The following UBR3 variants were observed in gnomAD, a reference collection of about 807,000 sequenced individuals.
UBR3 encodes the protein E3 ubiquitin-protein ligase UBR3.
Under a neutral mutation model 243.2 loss-of-function variants are expected in UBR3, and 85 were observed. The observed-to-expected ratio is 0.35, with a 90% CI of 0.29 to 0.42. The LOEUF (loss-of-function observed/expected upper bound fraction) is 0.42. UBR3 is among the 10% of genes least tolerant of loss of function. UBR3 has a pLI of 1.00. For missense variants in UBR3, 1,686 were observed against 2,300.8 expected, an observed-to-expected ratio of 0.73 and a Z score of 5.47; for synonymous variants, 748 against 799.8, an observed-to-expected ratio of 0.94 and a Z score of 1.09.
rs182340762 is a variant in UBR3, at chr2:170,031,444, C to A, written c.4556+1996C>A. ...ACAGTTAAACACGCCTTCCTCTACT[C>A]CCTAGTTAAAAAGCATTCATCCATG... On this transcript the variant is annotated intron_variant, in intron 31 of 38. Transcript: ENST00000272793. 5.3e-3 allele frequency among the ~76,000 whole-genome samples: 804 copies of A among 152,130 alleles called. 21 individuals are homozygous for A. The highest frequency in any genetic ancestry group is 0.047 in the Admixed American group (723 of 15,252).
chr2:169,905,994 A>G, intron 9 of UBR3, 37 bp from the exon 10 acceptor site: 3 of 1,540,996 alleles, frequency 1.9e-6, no homozygotes, highest in South Asian at 1.2e-5. Flanking sequence ...GTGTGCTTCC[A>G]CTTGACAAGG....
chr2:170,069,784 A>G (rs2091657504), intron 35 of UBR3, among the ~76,000 whole-genome samples: 2 of 151,960 alleles, frequency 1.3e-5, no homozygotes, highest in African/African-American at 4.8e-5. Context: ...TCATGTGTAT[A>G]CAGTCATCCA....
intron 8 of UBR3, among the ~76,000 whole-genome samples, chr2:169,904,103 G>A: frequency 6.6e-6 from 1 of 152,028 alleles, no homozygotes; most frequent in Non-Finnish European, 1.5e-5. Context: ...AGGCTTTTAT[G>A]ATTTTTCTGT....
chr2:170,075,820 T>G (rs553694714), intron 36 of UBR3, among the ~76,000 whole-genome samples: 99 of 152,248 alleles, frequency 6.5e-4, no homozygotes, highest in African/African-American at 2.2e-3. Context: ...GAATTACTAC[T>G]TCTGAATTTT....
At chr2:169,895,116 ATTAG>A (rs2084531962) in intron 6 of UBR3, 61 bp from the exon 7 acceptor site, 2 of 1,413,406 alleles carry the variant, frequency 1.4e-6, no homozygotes, top group Admixed American at 6.3e-5. Context: ...TTTATGGGTT[ATTAG>A]TTATAAAATG....
intron 8 of UBR3, among the ~76,000 whole-genome samples, chr2:169,902,938 T>G (rs1574161500): frequency 6.6e-6 from 1 of 152,162 alleles, no homozygotes; most frequent in East Asian, 1.9e-4. Context: ...TAGTCTCGCT[T>G]TATTTGTTCT....
chr2:170,028,113 T>G (rs1275338081), intron 30 of UBR3, among the ~76,000 whole-genome samples: 4 of 151,958 alleles, frequency 2.6e-5, no homozygotes, highest in African/African-American at 9.7e-5. Flanking sequence ...GTAAGGTATT[T>G]AGATTCCTCT....
intron 1 of UBR3, among the ~76,000 whole-genome samples, chr2:169,845,110 A>T (rs192840221): frequency 6.6e-6 from 1 of 152,196 alleles, no homozygotes; most frequent in Non-Finnish European, 1.5e-5. Flanking sequence ...TCTTTAGCCA[A>T]TGGGTCATTT....
In UBR3 at chr2:170,001,371, C is replaced by T. The variant is rs1390884430; in HGVS notation, c.3986C>T (p.Thr1329Ile). 1 of 1,613,736 alleles carries T rather than the reference C, an allele frequency of 6.2e-7. No individual in the cohort carries two copies. Among genetic ancestry groups the T allele is most frequent in the South Asian group, 1.1e-5 (1 of 91,068 alleles). The change falls in exon 27 of 39, where the codon ACA becomes ATA. Residue 1329 changes from threonine (T) to isoleucine (I), a missense_variant. Transcript: ENST00000272793. ...GTTTATGTACAAACCTGTGGTCACA[C>T]ATTACATATAGATTGTCATAAATCT... Reference protein sequence around the residue: ...GGVYVQTCGHTLHIDCHKSYM... With the variant: ...GGVYVQTCGHILHIDCHKSYM...
At chr2:169,960,169 T>C (rs1240180466) in intron 24 of UBR3, among the ~76,000 whole-genome samples, 10 of 150,196 alleles carry the variant, frequency 6.7e-5, no homozygotes, top group Non-Finnish European at 1.5e-4. Flanking sequence ...GGAGAATTGC[T>C]TGAACCAGGA....
chr2:170,061,020 C>A, intron 33 of UBR3, 59 bp from the exon 34 acceptor site: 1 of 1,125,726 alleles, frequency 8.9e-7, no homozygotes, highest in Non-Finnish European at 1.2e-6. Context: ...AAATTATTTC[C>A]AATGTAAATT....
At chr2:170,061,575 C>G (rs1021921087) in intron 35 of UBR3, 132 bp downstream of exon 35, 7 of 1,097,334 alleles carry the variant, frequency 6.4e-6, no homozygotes, top group Non-Finnish European at 9.1e-6. Context: ...TCAAGCAATC[C>G]TCCTCCCTCA....
chr2:169,895,484 T>C (rs1013979352), intron 7 of UBR3, among the ~76,000 whole-genome samples, 173 bp downstream of exon 7: 1 of 152,216 alleles, frequency 6.6e-6, no homozygotes, highest in Non-Finnish European at 1.5e-5. Context: ...TGTCTTAGCT[T>C]TGTGGCAAAG....
intron 26 of UBR3, among the ~76,000 whole-genome samples, chr2:170,000,166 A>C (rs540401654): frequency 4.6e-5 from 7 of 152,188 alleles, no homozygotes; most frequent in African/African-American, 1.4e-4. Context: ...AAAAAAAACA[A>C]ATTTGGAAAG....
In UBR3 at chr2:170,001,444, T is replaced by C. The variant is rs770827570; in HGVS notation, c.4029+30T>C. ...GTTGATTGCAAAAATTTTTTAAAGG[T>C]GCATGTATCTTTCCAGGTATTAAAT... On this transcript the variant is annotated intron_variant, in intron 27 of 38. Transcript: ENST00000272793. 3 of 1,340,524 alleles carry C rather than the reference T, an allele frequency of 2.2e-6. No homozygotes were observed. The East Asian group carries it at 6.9e-5, about 31-fold the overall frequency. 83.0% of individuals were successfully genotyped at this position (1,340,524 alleles called of 1,614,324 possible).
chr2:170,026,604 C>T (rs1559198594), intron 30 of UBR3, among the ~76,000 whole-genome samples: 1 of 152,078 alleles, frequency 6.6e-6, no homozygotes, highest in South Asian at 2.1e-4. Flanking sequence ...GCTTCCTATA[C>T]ATAGATTGAA....
At chr2:169,903,887 A>G (rs1219670149) in intron 8 of UBR3, among the ~76,000 whole-genome samples, 1 of 152,138 alleles carries the variant, frequency 6.6e-6, no homozygotes, top group Non-Finnish European at 1.5e-5. Flanking sequence ...TAAACATTGT[A>G]TTTTAACTTA....
intron 1 of UBR3, among the ~76,000 whole-genome samples, chr2:169,836,063 ATATATTTTTT>A (rs2082098809): frequency 4.9e-4 from 13 of 26,612 alleles, no homozygotes; most frequent in East Asian, 1.7e-3. Context: ...ATATATATAT[ATATATTTTTT>A]TTTTTTTTTT....
intron 27 of UBR3, among the ~76,000 whole-genome samples, chr2:170,002,204 A>T (rs542518955): frequency 9.2e-5 from 14 of 152,060 alleles, no homozygotes; most frequent in Non-Finnish European, 2.1e-4. Context: ...ATTCTTGTCA[A>T]TCTCATTTAA....
Sources: allele counts gnomAD v4.1 joint callset (sites outside exome capture counted in the v4.1 genomes callset), GRCh38; gene constraint gnomAD v4.1.1; transcripts MANE v1.5; gene names NCBI Gene and HGNC (gene_info 2026-07-23, HGNC 2026-07-21).